Variants in SNX30 observed in about 807,000 individuals in gnomAD.
SNX30 encodes the protein sorting nexin family member 30, also known as sorting nexin-30.
SNX30 carries 24 observed loss-of-function variants against 46.4 expected under a neutral mutation model. The observed-to-expected ratio is 0.52, with a 90% CI of 0.37 to 0.73. The LOEUF (loss-of-function observed/expected upper bound fraction) is 0.73. Among genes scored for constraint, SNX30 ranks in the 30% least tolerant of loss-of-function variants. SNX30 has a pLI of 0.00. For synonymous variants in SNX30, 189 were observed against 211.5 expected (o/e 0.89, Z 0.92); for missense variants, 533 against 555.7 (o/e 0.96, Z 0.41).
At chr9:112,758,484 C>G (rs918375327) in intron 1 of SNX30, among the ~76,000 whole-genome samples, 3 of 152,200 alleles carry the variant, frequency 2.0e-5, no homozygotes, top group Non-Finnish European at 4.4e-5. Flanking sequence ...CGCGCATCAC[C>G]ATGCCTGGCT....
intron 1 of SNX30, among the ~76,000 whole-genome samples, chr9:112,782,473 C>CACAG (rs1588114380): frequency 6.6e-6 from 1 of 152,212 alleles, no homozygotes; most frequent in Admixed American, 6.5e-5. Flanking sequence ...ATACTGTGGC[C>CACAG]ACAGACTGTT....
At chr9:112,766,264 A>G (rs1039034885) in intron 1 of SNX30, among the ~76,000 whole-genome samples, 6 of 151,904 alleles carry the variant, frequency 3.9e-5, no homozygotes, top group Non-Finnish European at 5.9e-5. Context: ...ATTCCTTTTT[A>G]TGGGTGAATA....
At chr9:112,845,187 A>G (rs935295479) in intron 6 of SNX30, among the ~76,000 whole-genome samples, 23 of 152,218 alleles carry the variant, frequency 1.5e-4, no homozygotes, top group African/African-American at 5.6e-4. Flanking sequence ...CACTAAAACG[A>G]TTTTGAAAAA....
downstream of SNX30, among the ~76,000 whole-genome samples, chr9:112,884,358 G>A (rs1588149372): frequency 6.6e-6 from 1 of 152,326 alleles, no homozygotes; most frequent in South Asian, 2.1e-4. Context: ...CCTGTGGTTC[G>A]AAAGCTTTAC....
intron 4 of SNX30, among the ~76,000 whole-genome samples, 153 bp from the exon 5 acceptor site, chr9:112,836,061 T>G (rs7041965): frequency 0.94 from 142,661 of 152,286 alleles, 66,901 homozygotes; most frequent in East Asian, 1. Flanking sequence ...CCAGGCCAGG[T>G]TCCTCCTGTG....
intron 7 of SNX30, among the ~76,000 whole-genome samples, chr9:112,863,761 A>G (rs1450139093): frequency 1.3e-5 from 2 of 152,222 alleles, no homozygotes; most frequent in African/African-American, 2.4e-5. Context: ...TCTCTGATTA[A>G]TGAGGAAAGG....
chr9:112,824,325 G>A (rs1840548670), intron 3 of SNX30, among the ~76,000 whole-genome samples: 1 of 99,010 alleles, frequency 1.0e-5, no homozygotes, highest in Non-Finnish European at 2.3e-5. Context: ...GTAATACTTT[G>A]CAAATAGGAT....
At chr9:112,853,819 C>T (rs1028910802) in intron 7 of SNX30, among the ~76,000 whole-genome samples, 4 of 152,254 alleles carry the variant, frequency 2.6e-5, no homozygotes, top group Non-Finnish European at 4.4e-5. Context: ...TTCATTAATT[C>T]GATTGTGATC....
chr9:112,868,046 G>T (rs1043157774), intron 8 of SNX30, among the ~76,000 whole-genome samples: 2 of 152,300 alleles, frequency 1.3e-5, no homozygotes, highest in South Asian at 4.1e-4. Flanking sequence ...GAACATCAGC[G>T]TGGGAACCAT....
At chr9:112,854,732 G>C (rs1841092938) in intron 7 of SNX30, among the ~76,000 whole-genome samples, 1 of 152,204 alleles carries the variant, frequency 6.6e-6, no homozygotes. Context: ...GCAGTTGGCA[G>C]CCTGTCCAAG....
chr9:112,864,515 T>C, intron 8 of SNX30, 116 bp downstream of exon 8: 1 of 1,375,230 alleles, frequency 7.3e-7, no homozygotes, highest in Non-Finnish European at 1.0e-6. Flanking sequence ...TTATTTTAGC[T>C]GCTTAGTCTT....
intron 2 of SNX30, among the ~76,000 whole-genome samples, chr9:112,815,845 C>T (rs1398569946): frequency 6.6e-6 from 1 of 152,020 alleles, no homozygotes; most frequent in African/African-American, 2.4e-5. Flanking sequence ...CCCTTCCAAC[C>T]TGCTTTTGTT....
At chr9:112,769,852 A>T (rs1351423442) in intron 1 of SNX30, among the ~76,000 whole-genome samples, 1 of 152,040 alleles carries the variant, frequency 6.6e-6, no homozygotes, top group Non-Finnish European at 1.5e-5. Context: ...ATGTCAAGCT[A>T]GTTATCTAGC....
intron 1 of SNX30, among the ~76,000 whole-genome samples, chr9:112,771,921 G>A (rs1839656257): frequency 6.6e-6 from 1 of 152,164 alleles, no homozygotes; most frequent in Non-Finnish European, 1.5e-5. Context: ...TTCCCTCTGT[G>A]GTCAATTTTG....
chr9:112,841,020 C>T (rs539886626), intron 6 of SNX30, among the ~76,000 whole-genome samples: 2 of 152,274 alleles, frequency 1.3e-5, no homozygotes, highest in Admixed American at 1.3e-4. Context: ...CCTCGGCCTC[C>T]CAAAGTGCTG....
chr9:112,860,010 A>G (rs1470086472), intron 7 of SNX30, among the ~76,000 whole-genome samples: 1 of 151,966 alleles, frequency 6.6e-6, no homozygotes, highest in Non-Finnish European at 1.5e-5. Context: ...CAGTGGCGTG[A>G]TCTCGGCTCA....
chr9:112,822,294 A>G (rs1021631988), intron 3 of SNX30, among the ~76,000 whole-genome samples: 2 of 152,208 alleles, frequency 1.3e-5, no homozygotes, highest in Non-Finnish European at 2.9e-5. Context: ...TCATAACAGC[A>G]GTTCACTGTG....
chr9:112,804,979 T>G lies in SNX30; in HGVS notation c.348+12T>G, dbSNP rs1307103197. The G allele has an allele frequency of 1.3e-6, 2 of 1,567,778 alleles. No individual in the cohort carries two copies. Among genetic ancestry groups the G allele is most frequent in the African/African-American group, 2.7e-5 (2 of 73,718 alleles). On this transcript the variant is annotated intron_variant, in intron 2 of 8. Coordinates refer to ENST00000374232, the MANE Select transcript of SNX30 (RefSeq NM_001012994.2). Reference sequence around the variant, plus strand: ...GGATCACCACCAAAGTAGGTCCCTGTGTTATAGAATGCCCGTGTTGAGTGG... The same window carrying G: ...GGATCACCACCAAAGTAGGTCCCTGGGTTATAGAATGCCCGTGTTGAGTGG...
At chr9:112,752,426 G>T (rs1839291942) in intron 1 of SNX30, among the ~76,000 whole-genome samples, 1 of 152,098 alleles carries the variant, frequency 6.6e-6, no homozygotes, top group Non-Finnish European at 1.5e-5. Flanking sequence ...GACCAGCCTG[G>T]GCAACATATC....
Sources: allele counts gnomAD v4.1 joint callset (sites outside exome capture counted in the v4.1 genomes callset), GRCh38; gene constraint gnomAD v4.1.1; transcripts MANE v1.5; gene names NCBI Gene and HGNC (gene_info 2026-07-23, HGNC 2026-07-21).